ELOVL6: variants seen among roughly 807,000 people sequenced by gnomAD.
ELOVL6 encodes very long chain fatty acid elongase 6.
Under a neutral mutation model 31.7 loss-of-function variants are expected in ELOVL6, and 8 were observed. The ratio of observed to expected loss-of-function variants is 0.25; its 90% CI spans 0.15 to 0.45. The LOEUF is 0.45. Among genes scored for constraint, ELOVL6 ranks in the 20% least tolerant of loss-of-function variants. ELOVL6 has a pLI of 1.00. For missense variants in ELOVL6, 126 were observed against 326.4 expected, an observed-to-expected ratio of 0.39 and a Z score of 4.73; for synonymous variants, 101 against 117.7, an observed-to-expected ratio of 0.86 and a Z score of 0.92.
intron 1 of ELOVL6, among the ~76,000 whole-genome samples, chr4:110,126,083 G>A (rs990749266): frequency 7.9e-5 from 12 of 151,906 alleles, no homozygotes; most frequent in Non-Finnish European, 1.6e-4. Flanking sequence ...TCACTCTGTT[G>A]CCCAGGCTGG....
chr4:110,133,655 T>C (rs953847429), intron 1 of ELOVL6, among the ~76,000 whole-genome samples: 20 of 152,178 alleles, frequency 1.3e-4, no homozygotes, highest in African/African-American at 4.8e-4. Flanking sequence ...CAAGTCTGTT[T>C]GGAGAGCAAA....
chr4:110,141,748 ATATAG>A (rs1193776859), intron 1 of ELOVL6, among the ~76,000 whole-genome samples: 2 of 133,136 alleles, frequency 1.5e-5, no homozygotes, highest in Non-Finnish European at 3.1e-5. Context: ...GTATTTATAT[ATATAG>A]TATTGTATTA....
chr4:110,161,339 C>T (rs1758625264), intron 1 of ELOVL6, among the ~76,000 whole-genome samples: 1 of 152,120 alleles, frequency 6.6e-6, no homozygotes, highest in Non-Finnish European at 1.5e-5. Flanking sequence ...AATATATAGT[C>T]AATCCTCATT....
At chr4:110,131,472 T>C (rs1757667658) in intron 1 of ELOVL6, among the ~76,000 whole-genome samples, 1 of 152,204 alleles carries the variant, frequency 6.6e-6, no homozygotes, top group Non-Finnish European at 1.5e-5. Flanking sequence ...ATACAGCGTA[T>C]GTGAACTCAA....
chr4:110,186,307 CCTT>C (rs1759438354), intron 1 of ELOVL6, among the ~76,000 whole-genome samples: 1 of 152,294 alleles, frequency 6.6e-6, no homozygotes, highest in African/African-American at 2.4e-5. Flanking sequence ...TCATCTATAA[CCTT>C]CTCTACAGTC....
chr4:110,077,555 A>G (rs966820730), intron 2 of ELOVL6, among the ~76,000 whole-genome samples: 3 of 152,198 alleles, frequency 2.0e-5, no homozygotes, highest in African/African-American at 7.2e-5. Flanking sequence ...AAACTAACAA[A>G]CAGAAAGGAC....
chr4:110,071,942 A>G (rs1272297386), intron 2 of ELOVL6, among the ~76,000 whole-genome samples: 1 of 152,220 alleles, frequency 6.6e-6, no homozygotes, highest in Non-Finnish European at 1.5e-5. Flanking sequence ...TTTGGCTGAT[A>G]ACTTCATAAC....
chr4:110,082,937 T>A (rs11731118), intron 2 of ELOVL6, among the ~76,000 whole-genome samples: 37,956 of 151,626 alleles, frequency 0.25, 5,177 homozygotes, highest in Non-Finnish European at 0.29. Context: ...TTATTACTTG[T>A]AAGTATCAGA....
intron 2 of ELOVL6, among the ~76,000 whole-genome samples, chr4:110,066,787 T>C (rs1471775488): frequency 1.3e-5 from 2 of 152,258 alleles, no homozygotes; most frequent in East Asian, 3.9e-4. Context: ...CTGGGATACA[T>C]GTGCAGAACG....
chr4:110,194,872 G>C (rs764431885), intron 1 of ELOVL6, among the ~76,000 whole-genome samples: 9 of 152,188 alleles, frequency 5.9e-5, no homozygotes, highest in Non-Finnish European at 8.8e-5. Flanking sequence ...TTTTGAGAGA[G>C]GATGTTTTAA....
At chr4:110,199,067 C>T (rs966891144), upstream of ELOVL6, 1 of 151,644 alleles carries the variant, frequency 6.6e-6, no homozygotes, top group African/African-American at 2.4e-5. Context: ...CCCCCACCCC[C>T]ACCCGGGAGC....
At chr4:110,125,213 G>A (rs1300242721) in intron 1 of ELOVL6, among the ~76,000 whole-genome samples, 1 of 152,008 alleles carries the variant, frequency 6.6e-6, no homozygotes. Context: ...TTGAGATGAA[G>A]TTTTAAATTT....
chr4:110,084,451 T>TATATCATATATCATATATGATATATCGC lies in ELOVL6; in HGVS notation c.221+21045_221+21046insGCGATATATCATATATGATATATGATAT, dbSNP rs1560815472. On this transcript the variant is annotated intron_variant, in intron 2 of 3. Coordinates refer to ENST00000302274, the MANE Select transcript of ELOVL6 (RefSeq NM_024090.3). ...CATATATCATATATGATATATCGCATATATCATATATGATATATAACAATA... is the reference window on the plus strand; with the variant it reads ...CATATATCATATATGATATATCGCATATATCATATATCATATATGATATATCGCATATCATATATGATATATAACAATA... Among the ~76,000 whole-genome samples the TATATCATATATCATATATGATATATCGC allele has an allele frequency of 2.9e-4, 35 of 120,912 alleles. 5 individuals are homozygous for TATATCATATATCATATATGATATATCGC. Among genetic ancestry groups the TATATCATATATCATATATGATATATCGC allele is most frequent in the African/African-American group, 1.2e-3 (32 of 27,400 alleles). 79.3% of individuals were successfully genotyped at this position (120,912 alleles called of 152,430 possible). A position where few individuals can be genotyped will look rare whatever the true frequency, so the allele number is the denominator to read the frequency against.
intron 2 of ELOVL6, among the ~76,000 whole-genome samples, chr4:110,084,066 CATAT>C (rs1423468788): frequency 2.0e-4 from 10 of 48,810 alleles, no homozygotes; most frequent in Middle Eastern, 0.019. Flanking sequence ...TGATATATAA[CATAT>C]ATATGCTATA....
intron 1 of ELOVL6, among the ~76,000 whole-genome samples, chr4:110,142,337 A>G (rs1757989647): frequency 6.6e-6 from 1 of 151,618 alleles, no homozygotes; most frequent in Non-Finnish European, 1.5e-5. Flanking sequence ...AAGCCACCGC[A>G]CCCGGCCACC....
chr4:110,122,004 C>G (rs1362047520), intron 1 of ELOVL6, among the ~76,000 whole-genome samples: 1 of 152,130 alleles, frequency 6.6e-6, no homozygotes, highest in East Asian at 1.9e-4. Flanking sequence ...GCCGTATACC[C>G]TTGACTGCTT....
intron 1 of ELOVL6, among the ~76,000 whole-genome samples, chr4:110,193,323 G>A (rs1348657892): frequency 1.3e-5 from 2 of 152,064 alleles, no homozygotes; most frequent in Non-Finnish European, 1.5e-5. Flanking sequence ...AATGTTTCAC[G>A]GCCGGTTGCA....
chr4:110,068,102 A>G (rs1413909446), intron 2 of ELOVL6, among the ~76,000 whole-genome samples: 2 of 152,344 alleles, frequency 1.3e-5, no homozygotes, highest in African/African-American at 2.4e-5. Context: ...ACTAAAATAC[A>G]TAAGAAAGAA....
chr4:110,097,434 C>A (rs1435861067), intron 2 of ELOVL6, among the ~76,000 whole-genome samples: 1 of 151,910 alleles, frequency 6.6e-6, no homozygotes, highest in Non-Finnish European at 1.5e-5. Context: ...TCCGGCAGTG[C>A]TAAGTAAATG....
Sources: gnomAD v4.1 joint callset for allele counts (sites outside exome capture counted in the v4.1 genomes callset) on GRCh38, gnomAD v4.1.1 for gene constraint, MANE v1.5 for transcripts, NCBI Gene and HGNC (gene_info 2026-07-23, HGNC 2026-07-21) for gene names.